NRXN3: variants seen among roughly 807,000 people sequenced by gnomAD.
The protein encoded by NRXN3 is neurexin III.
A neutral mutation model predicts 137.6 loss-of-function variants in NRXN3; 32 were observed. The ratio of observed to expected loss-of-function variants is 0.23; its 90% CI spans 0.18 to 0.31. The LOEUF (loss-of-function observed/expected upper bound fraction) is 0.31. Ranked by LOEUF, NRXN3 falls within the 10% of genes least tolerant of loss-of-function variation. The pLI is 1.00. For missense variants in NRXN3, 1,574 were observed against 2,062.5 expected (o/e 0.76, Z 4.59); for synonymous variants, 798 against 784.5 (o/e 1.02, Z -0.29).
chr14:78,818,640 C>T (rs1014218594), intron 10 of NRXN3, among the ~76,000 whole-genome samples: 14 of 152,052 alleles, frequency 9.2e-5, no homozygotes, highest in Admixed American at 2.6e-4. Flanking sequence ...GGAAGATGAA[C>T]GTGTATCTGT....
chr14:79,848,465 A>T (rs1289761073), intron 20 of NRXN3, among the ~76,000 whole-genome samples: 1 of 142,780 alleles, frequency 7.0e-6, no homozygotes, highest in African/African-American at 2.7e-5. Context: ...TTTTGGTCTC[A>T]TAAGCTATTG....
chr14:79,803,048 T>TA (rs956068240), intron 19 of NRXN3, among the ~76,000 whole-genome samples: 82 of 152,224 alleles, frequency 5.4e-4, no homozygotes, highest in African/African-American at 1.9e-3. Context: ...TTAATAAAAT[T>TA]AAAAAAATAA....
chr14:79,207,879 T>C (rs1218941393), intron 15 of NRXN3, among the ~76,000 whole-genome samples: 1 of 151,970 alleles, frequency 6.6e-6, no homozygotes, highest in Non-Finnish European at 1.5e-5. Context: ...TTTTAAATTT[T>C]ATTTAATAAA....
chr14:79,677,334 T>A (rs2098646149), intron 17 of NRXN3, among the ~76,000 whole-genome samples: 1 of 152,092 alleles, frequency 6.6e-6, no homozygotes, highest in African/African-American at 2.4e-5. Flanking sequence ...ATCTAAAATC[T>A]TAGCCAAGGT....
intron 20 of NRXN3, among the ~76,000 whole-genome samples, chr14:79,835,079 A>G (rs11845426): frequency 0.018 from 2,742 of 152,184 alleles, 83 homozygotes; most frequent in African/African-American, 0.06. Context: ...CACTTAGCAT[A>G]ATAGGGGGAC....
At chr14:78,831,889 C>A (rs79639188) in intron 10 of NRXN3, among the ~76,000 whole-genome samples, 1 of 151,872 alleles carries the variant, frequency 6.6e-6, no homozygotes, top group East Asian at 1.9e-4. Flanking sequence ...ATGAAAAATT[C>A]TTTCAAAATA....
chr14:78,271,231 C>G (rs2072678210), intron 2 of NRXN3, among the ~76,000 whole-genome samples: 1 of 152,034 alleles, frequency 6.6e-6, no homozygotes, highest in South Asian at 2.1e-4. Flanking sequence ...GTGTTGCATC[C>G]CAACTTCATC....
At chr14:79,133,722 G>A (rs1335940087) in intron 15 of NRXN3, among the ~76,000 whole-genome samples, 5 of 151,936 alleles carry the variant, frequency 3.3e-5, no homozygotes, top group South Asian at 4.2e-4. Context: ...TCAGGGGATC[G>A]AGACTATCCT....
At chr14:78,327,180 T>A (rs867109449) in intron 4 of NRXN3, among the ~76,000 whole-genome samples, 2 of 152,274 alleles carry the variant, frequency 1.3e-5, no homozygotes, top group Middle Eastern at 3.4e-3. Context: ...AAATGAGGCA[T>A]AATAGAACCA....
chr14:78,769,408 A>T (rs1404459726), intron 8 of NRXN3, among the ~76,000 whole-genome samples: 2 of 152,204 alleles, frequency 1.3e-5, no homozygotes, highest in Non-Finnish European at 2.9e-5. Flanking sequence ...ATTTATAGGT[A>T]CTGGGGGCTA....
intron 8 of NRXN3, among the ~76,000 whole-genome samples, chr14:78,726,959 T>A (rs903883223): frequency 1.6e-3 from 191 of 120,952 alleles, no homozygotes; most frequent in Non-Finnish European, 2.1e-3. Context: ...ATTTATTCAC[T>A]AAAAAAAAAA....
Position 79,706,980 on chromosome 14 carries a change from G to A in NRXN3, c.4014+9043G>A, listed in dbSNP as rs551679193. Among the ~76,000 whole-genome samples, 3 of 152,188 alleles carry A rather than the reference G, an allele frequency of 2.0e-5. No individual in the cohort carries two copies. The East Asian group carries it at 5.8e-4, about 30-fold the overall frequency. ...CTATTCTCATTCGTTTGTCGCCACC[G>A]GACTTCGGGTACCCTACGGGTGGTG... On this transcript the variant is annotated intron_variant, in intron 19 of 20. Coordinates refer to ENST00000335750, the MANE Select transcript of NRXN3 (RefSeq NM_001330195.2).
At chr14:78,957,513 G>A (rs1238574844) in intron 11 of NRXN3, 152 bp downstream of exon 11, 3 of 829,248 alleles carry the variant, frequency 3.6e-6, no homozygotes, top group African/African-American at 3.5e-5. Flanking sequence ...GGCTAAGAAG[G>A]TCTTCCTCTG....
intron 15 of NRXN3, among the ~76,000 whole-genome samples, chr14:79,226,137 C>A (rs1371042141): frequency 3.3e-5 from 5 of 152,092 alleles, no homozygotes; most frequent in African/African-American, 4.8e-5. Flanking sequence ...TCCTTCCACA[C>A]ATTAACTGCA....
At chr14:78,580,411 A>G (rs903513682) in intron 4 of NRXN3, among the ~76,000 whole-genome samples, 1 of 151,948 alleles carries the variant, frequency 6.6e-6, no homozygotes, top group Non-Finnish European at 1.5e-5. Context: ...GTAATCATGG[A>G]CTCACTTCTC....
intron 19 of NRXN3, among the ~76,000 whole-genome samples, chr14:79,774,043 T>C (rs950452397): frequency 2.0e-5 from 3 of 152,126 alleles, no homozygotes; most frequent in Non-Finnish European, 4.4e-5. Flanking sequence ...AGAACCCTAG[T>C]AGACTGTTCG....
chr14:79,798,845 G>T (rs996001020), intron 19 of NRXN3, among the ~76,000 whole-genome samples: 2 of 152,114 alleles, frequency 1.3e-5, no homozygotes, highest in African/African-American at 4.8e-5. Flanking sequence ...GATTAATAAC[G>T]AAGAACAGTG....
intron 4 of NRXN3, among the ~76,000 whole-genome samples, chr14:78,584,494 C>T (rs1460854187): frequency 6.6e-6 from 1 of 152,174 alleles, no homozygotes; most frequent in Admixed American, 6.5e-5. Context: ...CATTGTCCTA[C>T]AGGAAGGATT....
chr14:79,100,147 A>G (rs1359360469), intron 15 of NRXN3, among the ~76,000 whole-genome samples: 1 of 152,192 alleles, frequency 6.6e-6, no homozygotes, highest in East Asian at 1.9e-4. Context: ...TGCTCACAGA[A>G]TGTTCTCTGT....
Sources: allele counts gnomAD v4.1 joint callset (sites outside exome capture counted in the v4.1 genomes callset), GRCh38; gene constraint gnomAD v4.1.1; transcripts MANE v1.5; gene names NCBI Gene and HGNC (gene_info 2026-07-23, HGNC 2026-07-21).